Variants in RIT2 observed in about 807,000 individuals in gnomAD.
RIT2 encodes Ras like without CAAX 2.
RIT2 carries 24 observed loss-of-function variants against 23.7 expected under a neutral mutation model. The ratio of observed to expected loss-of-function variants is 1.01; its 90% CI spans 0.73 to 1.43. The LOEUF (loss-of-function observed/expected upper bound fraction) is 1.43, where lower values mean the gene tolerates loss of function less well. RIT2 is among the 40% of genes most tolerant of loss of function. The pLI, the probability that RIT2 is intolerant of heterozygous loss-of-function variation, is 0.00. For missense variants in RIT2, 236 were observed against 266.9 expected (o/e 0.88, Z 0.81); for synonymous variants, 107 against 91.1 (o/e 1.17, Z -0.99).
At chr18:43,078,748 G>A (rs1017192027) in intron 1 of RIT2, among the ~76,000 whole-genome samples, 1 of 152,188 alleles carries the variant, frequency 6.6e-6, no homozygotes, top group Non-Finnish European at 1.5e-5. Flanking sequence ...TTTGGACCCA[G>A]GAGAGTTAAA....
At chr18:42,888,530 A>AT (rs566469483) in intron 4 of RIT2, among the ~76,000 whole-genome samples, 63 of 142,082 alleles carry the variant, frequency 4.4e-4, no homozygotes, top group African/African-American at 1.4e-3. Context: ...TTTTTTTTTT[A>AT]TTTTTTTTCT....
chr18:42,749,292 T>C (rs1296550869), intron 4 of RIT2, among the ~76,000 whole-genome samples: 3 of 151,934 alleles, frequency 2.0e-5, no homozygotes, highest in African/African-American at 7.2e-5. Context: ...AAAAATGCAC[T>C]GTATCAAAAC....
chr18:42,911,228 T>A (rs970635997), intron 4 of RIT2, among the ~76,000 whole-genome samples: 2 of 151,136 alleles, frequency 1.3e-5, no homozygotes, highest in African/African-American at 4.9e-5. Flanking sequence ...ATACGTAGAG[T>A]GGAATAAAAA....
chr18:43,002,962 G>A (rs1016843328), intron 2 of RIT2, among the ~76,000 whole-genome samples: 21 of 151,924 alleles, frequency 1.4e-4, no homozygotes, highest in Non-Finnish European at 2.6e-4. Context: ...ACGGAAGGAA[G>A]GATAGAAATA....
chr18:42,908,670 G>A (rs2144116157), intron 4 of RIT2, among the ~76,000 whole-genome samples: 1 of 152,238 alleles, frequency 6.6e-6, no homozygotes, highest in Admixed American at 6.5e-5. Flanking sequence ...ATCCCAAATT[G>A]TGTATCTGGT....
intron 1 of RIT2, among the ~76,000 whole-genome samples, chr18:43,067,507 G>T (rs1912798735): frequency 6.6e-6 from 1 of 152,096 alleles, no homozygotes; most frequent in Admixed American, 6.6e-5. Context: ...GATATACATG[G>T]GTTCGGTGCA....
At chr18:42,903,251 T>C (rs1425257992) in intron 4 of RIT2, among the ~76,000 whole-genome samples, 1 of 152,022 alleles carries the variant, frequency 6.6e-6, no homozygotes, top group East Asian at 1.9e-4. Flanking sequence ...AATACATTTA[T>C]TGAAAGATAA....
chr18:43,010,688 T>G (rs1478829676), intron 2 of RIT2, among the ~76,000 whole-genome samples: 1 of 151,818 alleles, frequency 6.6e-6, no homozygotes, highest in East Asian at 1.9e-4. Context: ...AAATTATTTA[T>G]TTAATTGAAA....
chr18:42,822,861 C>T (rs1049765994), intron 4 of RIT2, among the ~76,000 whole-genome samples: 1 of 152,062 alleles, frequency 6.6e-6, no homozygotes, highest in Non-Finnish European at 1.5e-5. Context: ...ATTCAAAATG[C>T]AAAAACACTG....
intron 4 of RIT2, among the ~76,000 whole-genome samples, chr18:42,894,585 G>A (rs1230832309): frequency 6.6e-6 from 1 of 152,046 alleles, no homozygotes; most frequent in Non-Finnish European, 1.5e-5. Context: ...GTCAGGCTAT[G>A]ATAATAAAAT....
At chr18:42,989,860 A>G (rs1910798390) in intron 2 of RIT2, among the ~76,000 whole-genome samples, 1 of 152,118 alleles carries the variant, frequency 6.6e-6, no homozygotes, top group Non-Finnish European at 1.5e-5. Flanking sequence ...TTAAACTCCT[A>G]CTATGTTTTA....
chr18:42,773,814 A>G (rs569316551), intron 4 of RIT2, among the ~76,000 whole-genome samples: 8 of 152,278 alleles, frequency 5.3e-5, no homozygotes, highest in African/African-American at 1.9e-4. Context: ...ATGACAGAAG[A>G]GTTGGCATTA....
intron 4 of RIT2, among the ~76,000 whole-genome samples, chr18:42,772,070 A>G (rs1434130958): frequency 3.3e-5 from 5 of 152,178 alleles, no homozygotes; most frequent in Admixed American, 2.6e-4. Context: ...AGAGACAAAT[A>G]TAAGTGAGAA....
intron 3 of RIT2, among the ~76,000 whole-genome samples, chr18:42,938,771 C>T (rs961325870): frequency 6.6e-6 from 1 of 152,104 alleles, no homozygotes; most frequent in Non-Finnish European, 1.5e-5. Context: ...CGGCATCTTG[C>T]TCTCTTGCCC....
intron 4 of RIT2, among the ~76,000 whole-genome samples, chr18:42,890,580 A>G (rs1326483770): frequency 6.6e-6 from 1 of 151,756 alleles, no homozygotes; most frequent in African/African-American, 2.4e-5. Flanking sequence ...AGAGAGAGAG[A>G]GAGAAGGAGA....
At chr18:42,770,786 C>CAA (rs531013783) in intron 4 of RIT2, among the ~76,000 whole-genome samples, 7 of 121,078 alleles carry the variant, frequency 5.8e-5, no homozygotes, top group Admixed American at 3.5e-4. Flanking sequence ...CACTGACACT[C>CAA]AAAAAAAAAA....
chr18:43,001,588 T>C (rs1263453542), intron 2 of RIT2, among the ~76,000 whole-genome samples: 1 of 152,002 alleles, frequency 6.6e-6, no homozygotes, highest in African/African-American at 2.4e-5. Context: ...GGAGGAATTA[T>C]GGAAACAGAT....
intron 3 of RIT2, among the ~76,000 whole-genome samples, chr18:42,929,582 T>C (rs1212329660): frequency 1.3e-5 from 2 of 152,146 alleles, no homozygotes; most frequent in African/African-American, 4.8e-5. Context: ...CTAAATACAA[T>C]TTGAATAAGC....
At chr18:42,952,946 GT>G (rs397932968) in intron 3 of RIT2, among the ~76,000 whole-genome samples, 162 of 143,694 alleles carry the variant, frequency 1.1e-3, no homozygotes, top group Middle Eastern at 3.6e-3. Context: ...CTCCTGAGGT[GT>G]TTTTTTTTTT....
Sources: allele counts gnomAD v4.1 joint callset (sites outside exome capture counted in the v4.1 genomes callset), GRCh38; gene constraint gnomAD v4.1.1; transcripts MANE v1.5; gene names NCBI Gene and HGNC (gene_info 2026-07-23, HGNC 2026-07-21).